MTHFD1: variants seen among roughly 807,000 people sequenced by gnomAD.
MTHFD1 encodes methylenetetrahydrofolate dehydrogenase, cyclohydrolase and formyltetrahydrofolate synthetase 1.
MTHFD1 carries 44 observed loss-of-function variants against 110.3 expected under a neutral mutation model. The ratio of observed to expected loss-of-function variants is 0.40; its 90% CI spans 0.31 to 0.51. MTHFD1 has a LOEUF of 0.51. MTHFD1 is among the 20% of genes least tolerant of loss of function. MTHFD1 has a pLI of 0.60. For synonymous variants in MTHFD1, 402 were observed against 428.8 expected, an observed-to-expected ratio of 0.94 and a Z score of 0.77; for missense variants, 909 against 1,173.1, an observed-to-expected ratio of 0.77 and a Z score of 3.29.
At chr14:64,410,647 T>C (rs917652883) in intron 2 of MTHFD1, among the ~76,000 whole-genome samples, 2 of 152,128 alleles carry the variant, frequency 1.3e-5, no homozygotes, top group African/African-American at 4.8e-5. Flanking sequence ...CCAGGGAGCT[T>C]TCCATTGCCC....
chr14:64,444,911 C>T (rs1026541075), intron 22 of MTHFD1, 177 bp downstream of exon 22: 1 of 660,102 alleles, frequency 1.5e-6, no homozygotes, highest in African/African-American at 1.8e-5. Flanking sequence ...GGAAGATGTA[C>T]CTCACAAAAT....
intron 22 of MTHFD1, 30 bp downstream of exon 22, chr14:64,444,764 C>T: frequency 6.2e-7 from 1 of 1,610,224 alleles, no homozygotes; most frequent in Non-Finnish European, 8.5e-7. Context: ...ATCACGTGTC[C>T]TAGAAAGCAC....
intron 7 of MTHFD1, 59 bp downstream of exon 7, chr14:64,418,083 G>T: frequency 6.3e-7 from 1 of 1,599,698 alleles, no homozygotes; most frequent in Non-Finnish European, 8.6e-7. Flanking sequence ...TGTGCCAGAG[G>T]CTGCCATGTC....
intron 17 of MTHFD1, among the ~76,000 whole-genome samples, chr14:64,439,741 A>G (rs2078233319): frequency 6.6e-6 from 1 of 152,046 alleles, no homozygotes; most frequent in Non-Finnish European, 1.5e-5. Context: ...AAAAAATACA[A>G]AAACTAGCTG....
intron 24 of MTHFD1, among the ~76,000 whole-genome samples, chr14:64,450,762 C>T (rs1428027566): frequency 1.3e-5 from 2 of 152,092 alleles, no homozygotes; most frequent in Non-Finnish European, 2.9e-5. Context: ...GGCTGGAGTG[C>T]AGTGGTACAA....
chr14:64,395,361 ACTGT>A (rs2077839184), intron 1 of MTHFD1, among the ~76,000 whole-genome samples: 1 of 152,230 alleles, frequency 6.6e-6, no homozygotes, highest in South Asian at 2.1e-4. Context: ...GCAATACTGT[ACTGT>A]CTATCTTCAT....
intron 16 of MTHFD1, 56 bp downstream of exon 16, chr14:64,435,727 C>T: frequency 9.9e-7 from 1 of 1,009,104 alleles, no homozygotes; most frequent in Non-Finnish European, 1.6e-6. Context: ...CACCCTACAC[C>T]CTCCAGAAGA....
rs1353585836 is a variant in MTHFD1, at chr14:64,433,855, AC to A, written c.1495-1710del. Among the ~76,000 whole-genome samples, 4 of 148,682 alleles carry A rather than the reference AC, an allele frequency of 2.7e-5. No homozygotes were observed. The East Asian group carries it at 7.9e-4, about 29-fold the overall frequency. Reference sequence around the variant, plus strand: ...AGACCAGCCTGACCAACATGGAGAAACCCCATCTCTACTAAAAATACAAAAT... The same window carrying A: ...AGACCAGCCTGACCAACATGGAGAAACCCATCTCTACTAAAAATACAAAAT... On this transcript the variant is annotated intron_variant, in intron 15 of 27. Coordinates refer to ENST00000652337, the MANE Select transcript of MTHFD1 (RefSeq NM_005956.4).
At chr14:64,454,697 C>A (rs1457275401) in intron 25 of MTHFD1, 26 bp from the exon 26 acceptor site, 1 of 1,602,326 alleles carries the variant, frequency 6.2e-7, no homozygotes, top group Admixed American at 1.7e-5. Context: ...TTCATTTGTC[C>A]TCCCTCTCTT....
Position 64,388,373 on chromosome 14 carries a change from G to T in MTHFD1, c.-55G>T. The T allele has an allele frequency of 6.2e-7, 1 of 1,614,200 alleles. No individual in the cohort carries two copies. Among genetic ancestry groups the T allele is most frequent in the Non-Finnish European group, 8.5e-7 (1 of 1,180,032 alleles). ...GGGTTGTCCTGCTTGGCTGCGGAGG[G>T]AGTGGAACCTCGATATTGGTGGTGT... On this transcript the variant is annotated 5_prime_UTR_variant, in exon 1 of 28. Coordinates refer to ENST00000652337, the MANE Select transcript of MTHFD1 (RefSeq NM_005956.4).
At chr14:64,412,379 C>A in intron 3 of MTHFD1, 93 bp from the exon 4 acceptor site, 1 of 924,372 alleles carries the variant, frequency 1.1e-6, no homozygotes, top group Non-Finnish European at 1.8e-6. Flanking sequence ...TGATGACCAA[C>A]ACCTCCTTGC....
intron 8 of MTHFD1, among the ~76,000 whole-genome samples, chr14:64,421,401 T>C (rs945706469): frequency 4.6e-5 from 7 of 152,220 alleles, no homozygotes; most frequent in African/African-American, 1.7e-4. Context: ...ATGTAGACGC[T>C]GAGCTGCCAG....
intron 24 of MTHFD1, among the ~76,000 whole-genome samples, chr14:64,452,407 C>T (rs887484093): frequency 4.6e-5 from 7 of 152,194 alleles, no homozygotes; most frequent in Non-Finnish European, 8.8e-5. Flanking sequence ...AGTAGCTTTG[C>T]TTCTGATTTC....
At chr14:64,405,152 T>C (rs1329347352) in intron 2 of MTHFD1, among the ~76,000 whole-genome samples, 1 of 152,188 alleles carries the variant, frequency 6.6e-6, no homozygotes, top group Non-Finnish European at 1.5e-5. Context: ...ATTGTGGGTG[T>C]ATACTGGTAC....
At chr14:64,409,161 G>A (rs2077962603) in intron 2 of MTHFD1, among the ~76,000 whole-genome samples, 1 of 152,316 alleles carries the variant, frequency 6.6e-6, no homozygotes, top group South Asian at 2.1e-4. Context: ...ACAACAGCGA[G>A]AGACTTCAGA....
At chr14:64,445,763 T>TA (rs2078285230) in intron 22 of MTHFD1, among the ~76,000 whole-genome samples, 1 of 152,192 alleles carries the variant, frequency 6.6e-6, no homozygotes, top group Non-Finnish European at 1.5e-5. Context: ...TGTGTCTAAT[T>TA]ACAGTGACTG....
intron 18 of MTHFD1, 52 bp from the exon 19 acceptor site, chr14:64,441,333 G>A (rs1358461672): frequency 6.4e-7 from 1 of 1,554,742 alleles, no homozygotes; most frequent in Non-Finnish European, 8.9e-7. Flanking sequence ...GGTTTCAGAA[G>A]GTTGGGTTTT....
intron 7 of MTHFD1, among the ~76,000 whole-genome samples, chr14:64,418,238 A>G (rs1466614615): frequency 6.6e-6 from 1 of 152,016 alleles, no homozygotes; most frequent in Non-Finnish European, 1.5e-5. Flanking sequence ...TTTGAGCCCA[A>G]GAGTTTTTGA....
chr14:64,428,970 CT>C (rs1464733372), intron 12 of MTHFD1, among the ~76,000 whole-genome samples: 1 of 152,146 alleles, frequency 6.6e-6, no homozygotes, highest in Admixed American at 6.5e-5. Flanking sequence ...CATTATTTTC[CT>C]TTTACTCTTA....
Sources: allele counts gnomAD v4.1 joint callset (sites outside exome capture counted in the v4.1 genomes callset), GRCh38; gene constraint gnomAD v4.1.1; transcripts MANE v1.5; gene names NCBI Gene and HGNC (gene_info 2026-07-23, HGNC 2026-07-21).